The following ROBO1 variants were observed in gnomAD, a reference collection of about 807,000 sequenced individuals.
ROBO1 encodes roundabout homolog 1.
ROBO1 carries 149 observed loss-of-function variants against 195.9 expected under a neutral mutation model. The ratio of observed to expected loss-of-function variants is 0.76; its 90% CI spans 0.67 to 0.87. The LOEUF (loss-of-function observed/expected upper bound fraction) is 0.87, where lower values mean the gene tolerates loss of function less well. Ranked by LOEUF, ROBO1 falls within the 40% of genes least tolerant of loss-of-function variation. The pLI is 0.00. For synonymous variants in ROBO1, 816 were observed against 733.2 expected, an observed-to-expected ratio of 1.11 and a Z score of -1.82; for missense variants, 1,933 against 2,068.3, an observed-to-expected ratio of 0.93 and a Z score of 1.27.
intron 2 of ROBO1, among the ~76,000 whole-genome samples, chr3:79,507,228 G>A (rs1195256147): frequency 6.6e-6 from 1 of 152,208 alleles, no homozygotes; most frequent in Non-Finnish European, 1.5e-5. Flanking sequence ...GGACAGCTAC[G>A]AAGAGGGTTC....
intron 29 of ROBO1, among the ~76,000 whole-genome samples, chr3:78,604,109 G>A (rs955103169): frequency 5.9e-5 from 9 of 151,424 alleles, no homozygotes; most frequent in African/African-American, 9.7e-5. Flanking sequence ...TTGCTCTGTC[G>A]CCCAGACCTG....
At chr3:79,083,345 T>G (rs770233897) in intron 3 of ROBO1, among the ~76,000 whole-genome samples, 4 of 152,198 alleles carry the variant, frequency 2.6e-5, no homozygotes, top group Non-Finnish European at 4.4e-5. Flanking sequence ...TTTGATATTA[T>G]TTTCAAATGT....
intron 4 of ROBO1, among the ~76,000 whole-genome samples, chr3:78,810,598 T>C (rs1033040904): frequency 6.6e-6 from 1 of 152,092 alleles, no homozygotes; most frequent in African/African-American, 2.4e-5. Flanking sequence ...AAACCTTTAT[T>C]TATCTGACTT....
chr3:79,529,187 A>G (rs550981631), intron 2 of ROBO1, among the ~76,000 whole-genome samples: 10 of 152,322 alleles, frequency 6.6e-5, no homozygotes, highest in Admixed American at 5.9e-4. Context: ...GTTATTTTAA[A>G]CAAGAAAAAT....
intron 1 of ROBO1, among the ~76,000 whole-genome samples, chr3:79,654,799 C>T (rs1946112404): frequency 6.6e-6 from 1 of 151,788 alleles, no homozygotes; most frequent in Non-Finnish European, 1.5e-5. Context: ...GATTTAAATC[C>T]TTTGCTTTCT....
intron 2 of ROBO1, among the ~76,000 whole-genome samples, chr3:79,480,724 T>C (rs1938795137): frequency 6.6e-6 from 1 of 152,266 alleles, no homozygotes; most frequent in Non-Finnish European, 1.5e-5. Flanking sequence ...TGGAAATCAA[T>C]GCATATTCAA....
intron 3 of ROBO1, among the ~76,000 whole-genome samples, chr3:79,007,701 A>G (rs2077659500): frequency 6.6e-6 from 1 of 152,232 alleles, no homozygotes; most frequent in African/African-American, 2.4e-5. Flanking sequence ...GTTTTTAAAT[A>G]TGCAAACATT....
rs188773996 is a variant in ROBO1, at chr3:79,301,090, C to T, written c.89-175551G>A. On this transcript the variant is annotated intron_variant, in intron 2 of 30. Coordinates refer to ENST00000464233, the MANE Select transcript of ROBO1 (RefSeq NM_002941.4). Reference sequence around the variant, plus strand: ...CCACGCTGTGGAAGCTTTGTTCTTTCGCTCTTTGCAATAAATGTTGCTACT... The same window carrying T: ...CCACGCTGTGGAAGCTTTGTTCTTTTGCTCTTTGCAATAAATGTTGCTACT... Among the ~76,000 whole-genome samples the T allele has an allele frequency of 2.2e-3, 336 of 152,226 alleles. 1 individual carries two copies. The highest frequency in any genetic ancestry group is 7.7e-3 in the African/African-American group (319 of 41,554).
chr3:79,665,559 T>A (rs1202967517), intron 1 of ROBO1, among the ~76,000 whole-genome samples: 17 of 151,780 alleles, frequency 1.1e-4, no homozygotes, highest in African/African-American at 3.9e-4. Context: ...AGCCGTGAGG[T>A]CTTGTAATGT....
In ROBO1 at chr3:79,239,059, C is replaced by T. The variant is rs140264113; in HGVS notation, c.89-113520G>A. Among the ~76,000 whole-genome samples, 253 of 152,316 alleles carry T rather than the reference C, an allele frequency of 1.7e-3. 2 individuals are homozygous for T. The highest frequency in any genetic ancestry group is 5.7e-3 in the African/African-American group (239 of 41,576). ...TTGGGATCGAGCCATTGCACATTCT[C>T]CAGCCTCATTTCTTCCCACTCTCTC... On this transcript the variant is annotated intron_variant, in intron 2 of 30. Transcript: ENST00000464233.
chr3:79,458,831 C>T (rs772376900), intron 2 of ROBO1, among the ~76,000 whole-genome samples: 1 of 151,280 alleles, frequency 6.6e-6, no homozygotes. Flanking sequence ...ATAAAATGAC[C>T]CCAATAGAAA....
chr3:78,607,158 AG>A, intron 28 of ROBO1, 117 bp from the exon 29 acceptor site: 1 of 1,002,248 alleles, frequency 1.0e-6, no homozygotes. Flanking sequence ...TAGATGAACT[AG>A]AATACTTGAA....
At chr3:79,147,571 T>G (rs2080678673) in intron 2 of ROBO1, among the ~76,000 whole-genome samples, 1 of 151,952 alleles carries the variant, frequency 6.6e-6, no homozygotes, top group South Asian at 2.1e-4. Context: ...AATTGGGTGT[T>G]AGGGAGACCA....
intron 4 of ROBO1, among the ~76,000 whole-genome samples, chr3:78,799,380 C>G (rs1004669854): frequency 7.3e-5 from 11 of 151,672 alleles, no homozygotes; most frequent in Non-Finnish European, 1.5e-4. Flanking sequence ...CTCGCTCTGT[C>G]GCCCAGGCTG....
chr3:78,758,753 C>T (rs2083010264), intron 4 of ROBO1, among the ~76,000 whole-genome samples: 1 of 150,258 alleles, frequency 6.7e-6, no homozygotes, highest in Non-Finnish European at 1.5e-5. Flanking sequence ...TTTTGTGCTA[C>T]AGAAGTCACA....
intron 3 of ROBO1, among the ~76,000 whole-genome samples, chr3:79,124,174 T>G (rs1476593430): frequency 6.6e-6 from 1 of 152,074 alleles, no homozygotes; most frequent in Non-Finnish European, 1.5e-5. Flanking sequence ...GCTAAGTTTC[T>G]GGGAAAGTAT....
chr3:78,756,779 A>T (rs2082943726), intron 4 of ROBO1, among the ~76,000 whole-genome samples: 1 of 152,242 alleles, frequency 6.6e-6, no homozygotes, highest in African/African-American at 2.4e-5. Flanking sequence ...ATCCTGCAGA[A>T]GAGTTCATTC....
rs2271151 is a variant in ROBO1 at position 78,668,193 on chromosome 3, C to T, written c.1740G>A (p.Ser580=). The change falls in exon 13 of 31, where the codon TCG becomes TCA. Residue 580 remains serine (S), a synonymous_variant. Transcript: ENST00000464233. ...CTCCTGAATTCAAATTTGGTTGCCA[C>T]GATAATGTGACTGTATTTCTGCTGA... The part of the protein sequence containing the change: ...TDVSRNTVTL[S]WQPNLNSGAT... The T allele has an allele frequency of 0.25, 400,598 of 1,613,272 alleles. 51,422 individuals are homozygous for T. Among genetic ancestry groups the T allele is most frequent in the African/African-American group, 0.41 (30,427 of 74,868 alleles).
chr3:79,020,969 T>A (rs2078088835), intron 3 of ROBO1, among the ~76,000 whole-genome samples: 1 of 152,122 alleles, frequency 6.6e-6, no homozygotes, highest in Non-Finnish European at 1.5e-5. Flanking sequence ...CATTACCTAA[T>A]GGAAGATAAA....
Sources: allele counts gnomAD v4.1 joint callset (sites outside exome capture counted in the v4.1 genomes callset), GRCh38; gene constraint gnomAD v4.1.1; transcripts MANE v1.5; gene names NCBI Gene and HGNC (gene_info 2026-07-23, HGNC 2026-07-21).